Variants in AGBL1 observed in about 807,000 individuals in gnomAD.
The protein encoded by AGBL1 is AGBL carboxypeptidase 1.
A neutral mutation model predicts 118.9 loss-of-function variants in AGBL1; 130 were observed. The observed-to-expected ratio is 1.09, with a 90% CI of 0.95 to 1.26. The LOEUF (loss-of-function observed/expected upper bound fraction) is 1.26, where lower values mean the gene tolerates loss of function less well. Ranked by LOEUF, AGBL1 falls within the 50% of genes most tolerant of loss-of-function variation. The probability of loss-of-function intolerance (pLI) is 0.00; values close to 1 mark genes in which losing one functional copy is unlikely to be tolerated. For synonymous variants in AGBL1, 555 were observed against 478.9 expected (o/e 1.16, Z -2.08); for missense variants, 1,584 against 1,298.1 (o/e 1.22, Z -3.38).
intron 22 of AGBL1, among the ~76,000 whole-genome samples, chr15:86,822,342 A>G (rs1167522658): frequency 6.6e-6 from 1 of 152,090 alleles, no homozygotes; most frequent in East Asian, 1.9e-4. Context: ...TGCTTCTCTG[A>G]TATTTCTCTT....
At chr15:86,678,865 C>T (rs117356613) in intron 22 of AGBL1, among the ~76,000 whole-genome samples, 1,755 of 152,050 alleles carry the variant, frequency 0.012, 26 homozygotes, top group East Asian at 0.071. Context: ...CCTTTTATCA[C>T]GGATTAGTAA....
intron 1 of AGBL1, among the ~76,000 whole-genome samples, chr15:86,123,969 A>T (rs976759311): frequency 6.6e-6 from 1 of 152,210 alleles, no homozygotes; most frequent in Admixed American, 6.5e-5. Context: ...ACTGGGTGGG[A>T]TATTGGAATG....
chr15:86,675,636 G>A (rs948505957), intron 22 of AGBL1, among the ~76,000 whole-genome samples: 1 of 152,114 alleles, frequency 6.6e-6, no homozygotes, highest in Admixed American at 6.6e-5. Flanking sequence ...CGTGTGTTTG[G>A]TATCTTTGTG....
At chr15:86,732,967 A>G (rs1206018312) in intron 22 of AGBL1, among the ~76,000 whole-genome samples, 1 of 149,422 alleles carries the variant, frequency 6.7e-6, no homozygotes, top group East Asian at 1.9e-4. Flanking sequence ...ACACATATAC[A>G]TATACATACA....
intron 21 of AGBL1, among the ~76,000 whole-genome samples, chr15:86,619,631 A>T (rs556760748): frequency 1.3e-5 from 2 of 152,276 alleles, no homozygotes; most frequent in African/African-American, 4.8e-5. Flanking sequence ...GAACAGAAGC[A>T]AAATATTGCA....
chr15:86,817,644 CACAG>C (rs1376826478), intron 22 of AGBL1, among the ~76,000 whole-genome samples: 3 of 146,334 alleles, frequency 2.1e-5, no homozygotes, highest in East Asian at 4.5e-4. Flanking sequence ...CACACACACA[CACAG>C]ACACACACAC....
intron 21 of AGBL1, among the ~76,000 whole-genome samples, chr15:86,663,617 T>C (rs1406949216): frequency 6.6e-6 from 1 of 151,936 alleles, no homozygotes; most frequent in Non-Finnish European, 1.5e-5. Context: ...ATGTCTCTGG[T>C]GCCATATTGA....
chr15:86,146,089 T>C (rs960595988), intron 3 of AGBL1, among the ~76,000 whole-genome samples: 15 of 152,206 alleles, frequency 9.9e-5, no homozygotes, highest in African/African-American at 3.6e-4. Context: ...CTGACACTTA[T>C]TAGCTGTGTG....
chr15:86,858,023 T>C (rs1303214553), intron 22 of AGBL1, among the ~76,000 whole-genome samples: 1 of 152,198 alleles, frequency 6.6e-6, no homozygotes. Flanking sequence ...CTTTCTAGTT[T>C]CTCTTCTTCA....
intron 18 of AGBL1, among the ~76,000 whole-genome samples, chr15:86,504,527 T>C (rs1315631615): frequency 6.6e-6 from 1 of 151,680 alleles, no homozygotes; most frequent in Non-Finnish European, 1.5e-5. Context: ...TTAATAAATA[T>C]TCAAGGCACT....
chr15:86,876,362 G>T (rs1247700183), intron 22 of AGBL1, among the ~76,000 whole-genome samples: 1 of 152,122 alleles, frequency 6.6e-6, no homozygotes. Flanking sequence ...TGGAGGGAAA[G>T]CTGCACCGAT....
intron 21 of AGBL1, among the ~76,000 whole-genome samples, chr15:86,624,625 G>A (rs1381574603): frequency 6.6e-6 from 1 of 152,196 alleles, no homozygotes; most frequent in African/African-American, 2.4e-5. Flanking sequence ...GAGGAGCAGT[G>A]AGCCTGAGCT....
chr15:86,658,757 C>T (rs1350960358), intron 21 of AGBL1, among the ~76,000 whole-genome samples: 1 of 152,076 alleles, frequency 6.6e-6, no homozygotes, highest in Non-Finnish European at 1.5e-5. Context: ...GGCCCATAAC[C>T]CCATTAATAA....
At chr15:86,340,118 G>A (rs1315178673) in intron 17 of AGBL1, among the ~76,000 whole-genome samples, 1 of 151,896 alleles carries the variant, frequency 6.6e-6, no homozygotes, top group Non-Finnish European at 1.5e-5. Context: ...CTCAGTGTTA[G>A]CTTCTATTGA....
downstream of AGBL1, among the ~76,000 whole-genome samples, chr15:86,918,007 T>C (rs1359261332): frequency 1.3e-5 from 2 of 152,166 alleles, no homozygotes; most frequent in East Asian, 3.9e-4. Flanking sequence ...TTTGCATAGA[T>C]GAAAGGTTCA....
chr15:86,112,209 G>A (rs1396253167), intron 1 of AGBL1, among the ~76,000 whole-genome samples: 1 of 152,062 alleles, frequency 6.6e-6, no homozygotes, highest in Non-Finnish European at 1.5e-5. Context: ...CACCCACCCT[G>A]TCATGAAAAA....
intron 18 of AGBL1, among the ~76,000 whole-genome samples, chr15:86,483,494 A>G (rs1380947200): frequency 6.6e-6 from 1 of 152,106 alleles, no homozygotes; most frequent in African/African-American, 2.4e-5. Context: ...CTCCCATCCC[A>G]TCATGGCCAG....
At chr15:86,993,592 G>A (rs1185743593) in intron 24 of AGBL1, among the ~76,000 whole-genome samples, 2 of 152,150 alleles carry the variant, frequency 1.3e-5, no homozygotes, top group African/African-American at 4.8e-5. Flanking sequence ...CACGTGGGTG[G>A]TTATATGAGT....
chr15:86,394,435 T>C (rs1283434326), intron 17 of AGBL1, among the ~76,000 whole-genome samples: 2 of 152,122 alleles, frequency 1.3e-5, no homozygotes, highest in African/African-American at 2.4e-5. Context: ...CTCCACAATC[T>C]AGAAAGCACA....
Sources: gnomAD v4.1 joint callset for allele counts (sites outside exome capture counted in the v4.1 genomes callset) on GRCh38, gnomAD v4.1.1 for gene constraint, MANE v1.5 for transcripts, NCBI Gene and HGNC (gene_info 2026-07-23, HGNC 2026-07-21) for gene names.